Variants in ANK1 observed in about 807,000 individuals in gnomAD.
ANK1 encodes ankyrin-1.
Under a neutral mutation model 210.4 loss-of-function variants are expected in ANK1, and 51 were observed. That is an observed-to-expected ratio of 0.24 (90% CI 0.19 to 0.31). The LOEUF (loss-of-function observed/expected upper bound fraction) is 0.31. Among genes scored for constraint, ANK1 ranks in the 10% least tolerant of loss-of-function variants. ANK1 has a pLI of 1.00. For missense variants in ANK1, 2,051 were observed against 2,504.4 expected (o/e 0.82, Z 3.86); for synonymous variants, 967 against 1,025.9 (o/e 0.94, Z 1.10).
At chr8:41,665,500 T>C (rs763871919) in intron 39 of ANK1, 17 of 343,768 alleles carry the variant, frequency 4.9e-5, no homozygotes, top group Admixed American at 8.2e-5. Context: ...CCATGGGAAC[T>C]AGAAAGAGTT....
intron 1 of ANK1, among the ~76,000 whole-genome samples, chr8:41,775,396 G>A (rs1843804360): frequency 6.6e-6 from 1 of 152,148 alleles, no homozygotes; most frequent in Non-Finnish European, 1.5e-5. Context: ...TGGGGTCTGT[G>A]CCCCTGGAGT....
chr8:41,719,375 T>C (rs1828629393), intron 10 of ANK1, among the ~76,000 whole-genome samples: 1 of 152,180 alleles, frequency 6.6e-6, no homozygotes, highest in African/African-American at 2.4e-5. Flanking sequence ...ATACCTACCA[T>C]GCAGGATGCT....
intron 1 of ANK1, among the ~76,000 whole-genome samples, chr8:41,838,595 G>C (rs72502210): frequency 6.6e-6 from 1 of 151,554 alleles, no homozygotes; most frequent in Admixed American, 6.6e-5. Flanking sequence ...GTGAAACCCC[G>C]TCTCTAGTAA....
intron 1 of ANK1, among the ~76,000 whole-genome samples, chr8:41,770,864 T>C (rs964673635): frequency 6.6e-6 from 1 of 152,224 alleles, no homozygotes; most frequent in Non-Finnish European, 1.5e-5. Context: ...CAGCCTGGAA[T>C]GCCACATTGG....
At chr8:41,718,941 C>T (rs933184438) in intron 10 of ANK1, among the ~76,000 whole-genome samples, 3 of 152,208 alleles carry the variant, frequency 2.0e-5, no homozygotes, top group Non-Finnish European at 2.9e-5. Flanking sequence ...TATAACAGTA[C>T]GTGGCCTGTG....
chr8:41,779,361 C>T (rs1254527672), intron 1 of ANK1, among the ~76,000 whole-genome samples: 1 of 152,142 alleles, frequency 6.6e-6, no homozygotes, highest in African/African-American at 2.4e-5. Context: ...GGGCCTTCCA[C>T]CTCAGCCTCC....
At position 41,860,552 on chromosome 8, in the gene ANK1, C is replaced by T. The variant is rs117121504; in HGVS notation, c.126+35803G>A. On this transcript the variant is annotated intron_variant, in intron 1 of 42. Transcript: ENST00000265709. The stretch of plus-strand genomic sequence containing the variant: ...GCCAGCTCCAGTTGTGTGACCTGAG[C>T]GGGCTACTTAACCTCTCTGAACCTC... Among the ~76,000 whole-genome samples the T allele has an allele frequency of 5.7e-3, 864 of 152,270 alleles. 8 individuals are homozygous for T. Among genetic ancestry groups the T allele is most frequent in the South Asian group, 0.012 (60 of 4,830 alleles).
At chr8:41,659,642 G>C (rs1375060333) in intron 42 of ANK1, among the ~76,000 whole-genome samples, 1 of 152,108 alleles carries the variant, frequency 6.6e-6, no homozygotes, top group African/African-American at 2.4e-5. Flanking sequence ...CTAACCCTCT[G>C]GGACTTTGGC....
intron 3 of ANK1, among the ~76,000 whole-genome samples, chr8:41,732,719 C>T (rs747287588): frequency 4.1e-5 from 6 of 147,662 alleles, no homozygotes; most frequent in Admixed American, 6.7e-5. Context: ...AGCCTTGTTT[C>T]GTTTTATTTA....
intron 16 of ANK1, 28 bp downstream of exon 16, chr8:41,714,128 G>C: frequency 7.6e-7 from 1 of 1,315,622 alleles, no homozygotes; most frequent in Non-Finnish European, 9.8e-7. Context: ...GCTCTCCAGG[G>C]GCAGCTGGGG....
intron 1 of ANK1, among the ~76,000 whole-genome samples, chr8:41,865,792 T>C (rs963559732): frequency 6.6e-6 from 1 of 152,148 alleles, no homozygotes; most frequent in Non-Finnish European, 1.5e-5. Flanking sequence ...ACTGCTTTCC[T>C]GATTTTCCCC....
rs147662723 is a variant in ANK1, at chr8:41,802,844, T to C, written c.127-44707A>G. ...AGGATCACCTGAGCCTGGGAAGTCA[T>C]TGAGGCCGCAGTGAGCGATGATCAT... On this transcript the variant is annotated intron_variant, in intron 1 of 42. Coordinates refer to the ANK1 transcript ENST00000265709. Among the ~76,000 whole-genome samples the C allele has an allele frequency of 2.1e-3, 306 of 146,418 alleles. 2 individuals are homozygous for C. Among genetic ancestry groups the C allele is most frequent in the African/African-American group, 7.4e-3 (291 of 39,382 alleles).
At chr8:41,663,124 G>GTA (rs1563336563) in intron 40 of ANK1, among the ~76,000 whole-genome samples, 1 of 151,672 alleles carries the variant, frequency 6.6e-6, no homozygotes, top group African/African-American at 2.4e-5. Flanking sequence ...CTGTGTGTGT[G>GTA]TGTGTGTGTG....
Position 41,730,420 on chromosome 8 carries a change from C to T in ANK1, c.229-2414G>A, listed in dbSNP as rs572199462. On this transcript the variant is annotated intron_variant, in intron 3 of 42. Coordinates refer to ENST00000289734, the MANE Select transcript of ANK1 (RefSeq NM_000037.4). ...AGGAGTTCAAGACCAGCCTGGGAAA[C>T]AGTGAGACCCAGTCTGTCTGTCTTT... Among the ~76,000 whole-genome samples, 57 of 151,188 alleles carry T rather than the reference C, an allele frequency of 3.8e-4. 1 individual carries two copies. The highest frequency in any genetic ancestry group is 1.3e-3 in the African/African-American group (55 of 41,236).
At chr8:41,680,837 G>A (rs1352765426) in intron 37 of ANK1, among the ~76,000 whole-genome samples, 1 of 152,172 alleles carries the variant, frequency 6.6e-6, no homozygotes, top group Non-Finnish European at 1.5e-5. Context: ...GGTCTGGGGT[G>A]GACCAGACCA....
At chr8:41,770,750 A>G (rs1272334394) in intron 1 of ANK1, among the ~76,000 whole-genome samples, 1 of 152,224 alleles carries the variant, frequency 6.6e-6, no homozygotes, top group Non-Finnish European at 1.5e-5. Flanking sequence ...AGAGGAGGAG[A>G]AAGAACACAA....
intron 1 of ANK1, among the ~76,000 whole-genome samples, chr8:41,872,088 A>G (rs1227184610): frequency 6.6e-6 from 1 of 152,164 alleles, no homozygotes; most frequent in African/African-American, 2.4e-5. Flanking sequence ...TATTTCAGAA[A>G]CAGACGAGCC....
chr8:41,688,433 C>G, intron 34 of ANK1, 78 bp downstream of exon 34: 1 of 1,553,340 alleles, frequency 6.4e-7, no homozygotes, highest in Non-Finnish European at 8.9e-7. Context: ...AGAACCCTCA[C>G]AGGGCTGCGG....
At chr8:41,690,097 G>T in intron 33 of ANK1, 130 bp downstream of exon 33, 1 of 1,441,348 alleles carries the variant, frequency 6.9e-7, no homozygotes, top group Non-Finnish European at 9.5e-7. Flanking sequence ...CAGCACCTTT[G>T]CATGCCTCGG....
Sources: gnomAD v4.1 joint callset for allele counts (sites outside exome capture counted in the v4.1 genomes callset) on GRCh38, gnomAD v4.1.1 for gene constraint, MANE v1.5 for transcripts, NCBI Gene and HGNC (gene_info 2026-07-23, HGNC 2026-07-21) for gene names.